The following RC3H2 variants were observed in gnomAD, a reference collection of about 807,000 sequenced individuals.
The protein encoded by RC3H2 is ring finger and CCCH-type domains 2.
A neutral mutation model predicts 133.3 loss-of-function variants in RC3H2; 31 were observed. The observed-to-expected ratio is 0.23, with a 90% CI of 0.17 to 0.31. RC3H2 has a LOEUF of 0.31. Ranked by LOEUF, RC3H2 falls within the 10% of genes least tolerant of loss-of-function variation. RC3H2 has a pLI of 1.00. For synonymous variants in RC3H2, 517 were observed against 502.2 expected, an observed-to-expected ratio of 1.03 and a Z score of -0.40; for missense variants, 1,175 against 1,437.2, an observed-to-expected ratio of 0.82 and a Z score of 2.95.
intron 18 of RC3H2, among the ~76,000 whole-genome samples, chr9:122,852,082 AG>A (rs1830047332): frequency 7.0e-6 from 1 of 142,958 alleles, no homozygotes; most frequent in Non-Finnish European, 1.5e-5. Flanking sequence ...CATCACATCT[AG>A]GAAGTGAGGA....
Position 122,851,190 on chromosome 9 carries a change from C to T in RC3H2, c.3271G>A (p.Asp1091Asn). Residue 1091 changes from aspartate to asparagine, a missense_variant, in exon 20 of 21, where the codon GAT becomes AAT. Transcript: ENST00000357244. ...ACTGCCATTCCATTTAGCAACTGAT[C>T]ATTTTGAGAACTGATACCAAGCTGT... ...DIQLGISSQN[D>N]QLLNGMAVEN... 6.2e-7 allele frequency: 1 copy of T among 1,614,064 alleles called. No homozygotes were observed. The highest frequency in any genetic ancestry group is 8.5e-7 in the Non-Finnish European group (1 of 1,179,964).
chr9:122,877,254 G>A (rs1029819449), intron 9 of RC3H2, among the ~76,000 whole-genome samples: 3 of 152,070 alleles, frequency 2.0e-5, no homozygotes, highest in East Asian at 1.9e-4. Flanking sequence ...TTGTAGAGAC[G>A]GGGGTCTCCT....
chr9:122,897,006 A>T (rs1832447593), intron 2 of RC3H2, among the ~76,000 whole-genome samples: 2 of 132,926 alleles, frequency 1.5e-5, no homozygotes, highest in African/African-American at 6.0e-5. Context: ...AGCCTGGGTG[A>T]CAGAGTGAGA....
intron 4 of RC3H2, among the ~76,000 whole-genome samples, chr9:122,888,571 T>C (rs1219410146): frequency 2.6e-5 from 4 of 152,204 alleles, no homozygotes; most frequent in African/African-American, 9.7e-5. Context: ...GAAAGTACTA[T>C]ACTGAGCAAA....
intron 9 of RC3H2, among the ~76,000 whole-genome samples, chr9:122,869,851 T>C (rs1342194517): frequency 6.6e-6 from 1 of 152,186 alleles, no homozygotes; most frequent in Non-Finnish European, 1.5e-5. Context: ...ATTATAGGCA[T>C]AAGCCACTGT....
At chr9:122,891,736 A>G (rs943751565) in intron 3 of RC3H2, among the ~76,000 whole-genome samples, 49 of 152,224 alleles carry the variant, frequency 3.2e-4, no homozygotes, top group Non-Finnish European at 8.8e-5. Context: ...GTTTCTCAGT[A>G]AAATCACTAT....
chr9:122,881,202 G>C (rs1831607732), intron 5 of RC3H2, among the ~76,000 whole-genome samples: 2 of 152,242 alleles, frequency 1.3e-5, no homozygotes, highest in South Asian at 4.2e-4. Flanking sequence ...AGAAAGGTGA[G>C]GAGGCCAGGG....
At chr9:122,874,109 A>G (rs1183456760) in intron 9 of RC3H2, 1 of 152,236 alleles carries the variant, frequency 6.6e-6, no homozygotes, top group East Asian at 1.9e-4. Context: ...AGAAATAGTT[A>G]TCCAGATAAA....
At chr9:122,851,604 C>T in intron 18 of RC3H2, 168 bp from the exon 19 acceptor site, 1 of 871,200 alleles carries the variant, frequency 1.1e-6, no homozygotes, top group Non-Finnish European at 1.7e-6. Context: ...CTGCCTGATT[C>T]TCCTGCCTCA....
At chr9:122,861,503 A>G (rs1315063648) in intron 10 of RC3H2, among the ~76,000 whole-genome samples, 1 of 10,796 alleles carries the variant, frequency 9.3e-5, no homozygotes, top group Non-Finnish European at 4.5e-4. Context: ...AAAAAAAAAA[A>G]AAAAAAGAAA....
intron 1 of RC3H2, among the ~76,000 whole-genome samples, chr9:122,903,444 C>G (rs1488482128): frequency 6.6e-6 from 1 of 152,052 alleles, no homozygotes; most frequent in Admixed American, 6.6e-5. Flanking sequence ...GAATGCTTTG[C>G]CAAAATGCAA....
At chr9:122,880,264 A>C (rs1197369215) in intron 6 of RC3H2, 139 bp from the exon 7 acceptor site, 1 of 1,007,338 alleles carries the variant, frequency 9.9e-7, no homozygotes, top group East Asian at 2.4e-5. Flanking sequence ...TGATGAATTA[A>C]ATTTTCACCT....
At chr9:122,893,427 G>T (rs1832273421) in intron 2 of RC3H2, among the ~76,000 whole-genome samples, 1 of 152,326 alleles carries the variant, frequency 6.6e-6, no homozygotes, top group East Asian at 1.9e-4. Flanking sequence ...CCGGGAGGCT[G>T]AGGTTGCAGT....
intron 1 of RC3H2, among the ~76,000 whole-genome samples, chr9:122,902,063 G>A: frequency 6.6e-6 from 1 of 151,732 alleles, no homozygotes; most frequent in South Asian, 2.1e-4. Context: ...CGGAGTAGCT[G>A]GGATTACAGG....
chr9:122,851,189 T>A lies in RC3H2; in HGVS notation c.3272A>T (p.Asp1091Val), dbSNP rs1453084739. The A allele has an allele frequency of 1.9e-6, 3 of 1,614,132 alleles. No individual in the cohort carries two copies. Among genetic ancestry groups the A allele is most frequent in the Non-Finnish European group, 2.5e-6 (3 of 1,179,970 alleles). The stretch of plus-strand genomic sequence containing the variant: ...CACTGCCATTCCATTTAGCAACTGA[T>A]CATTTTGAGAACTGATACCAAGCTG... ...DIQLGISSQN[D>V]QLLNGMAVEN... Residue 1091 changes from aspartate (D) to valine (V), a missense_variant, in exon 20 of 21, where the codon GAT becomes GTT. Asp to Val is a radical substitution (Grantham distance 152). Around this residue, in one of 8 missense-constraint regions of RC3H2, gnomAD observed 220 missense variants for 201.1 expected, o/e 1.09. Coordinates refer to ENST00000357244, the MANE Select transcript of RC3H2 (RefSeq NM_001100588.3).
intron 1 of RC3H2, 186 bp from the exon 2 acceptor site, chr9:122,897,762 C>A: frequency 4.2e-6 from 2 of 471,848 alleles, no homozygotes; most frequent in Non-Finnish European, 7.6e-6. Flanking sequence ...TGCCTGGAAA[C>A]AATACCTTAA....
At chr9:122,869,158 G>A (rs949120788) in intron 9 of RC3H2, among the ~76,000 whole-genome samples, 14 of 152,004 alleles carry the variant, frequency 9.2e-5, no homozygotes, top group African/African-American at 3.1e-4. Flanking sequence ...TGCCCACTTC[G>A]GCCTCCCAAA....
intron 8 of RC3H2, 84 bp from the exon 9 acceptor site, chr9:122,877,667 T>C (rs1831400545): frequency 4.2e-6 from 4 of 942,552 alleles, no homozygotes; most frequent in Non-Finnish European, 3.4e-6. Context: ...AACTTTATAA[T>C]TACACCTTTA....
At chr9:122,860,699 C>A (rs562007252) in intron 10 of RC3H2, among the ~76,000 whole-genome samples, 27 of 152,002 alleles carry the variant, frequency 1.8e-4, no homozygotes, top group South Asian at 1.0e-3. Context: ...CAGGCATCAG[C>A]CACCGTGCCT....
Sources: allele counts gnomAD v4.1 joint callset (sites outside exome capture counted in the v4.1 genomes callset), GRCh38; gene constraint gnomAD v4.1.1; regional missense constraint gnomAD v4.1.1; transcripts MANE v1.5; gene names NCBI Gene and HGNC (gene_info 2026-07-23, HGNC 2026-07-21).